Variants in NFAM1 observed in about 807,000 individuals in gnomAD.
The protein encoded by NFAM1 is NFAT activating protein with ITAM motif 1, also known as NFAT activation molecule 1.
A neutral mutation model predicts 29.0 loss-of-function variants in NFAM1; 17 were observed. The observed-to-expected ratio is 0.59, with a 90% CI of 0.40 to 0.88. The LOEUF (loss-of-function observed/expected upper bound fraction) is 0.88, where lower values mean the gene tolerates loss of function less well. NFAM1 is among the 40% of genes least tolerant of loss of function. The pLI is 0.00. For missense variants in NFAM1, 324 were observed against 344.6 expected (o/e 0.94, Z 0.47); for synonymous variants, 175 against 147.2 (o/e 1.19, Z -1.36).
chr22:42,431,001 T>C (rs1052925449), intron 1 of NFAM1, among the ~76,000 whole-genome samples: 2 of 152,210 alleles, frequency 1.3e-5, no homozygotes, highest in Non-Finnish European at 2.9e-5. Context: ...CCTAGGGCTC[T>C]GGGCTGCAGC....
intron 1 of NFAM1, among the ~76,000 whole-genome samples, chr22:42,425,994 A>G (rs17003075): frequency 0.066 from 10,058 of 151,508 alleles, 647 homozygotes; most frequent in African/African-American, 0.16. Flanking sequence ...TTTGACCTTG[A>G]CAGAGAGTTT....
At chr22:42,433,128 C>T (rs1266125888), upstream of NFAM1, among the ~76,000 whole-genome samples, 2 of 152,208 alleles carry the variant, frequency 1.3e-5, no homozygotes, top group Non-Finnish European at 1.5e-5. Context: ...CAGCATCAGC[C>T]GGGGACAGGA....
intron 1 of NFAM1, among the ~76,000 whole-genome samples, chr22:42,422,185 C>T (rs1047232678): frequency 1.1e-4 from 17 of 152,298 alleles, no homozygotes; most frequent in African/African-American, 3.8e-4. Context: ...TCTAGACCCC[C>T]GAACCAGGGT....
chr22:42,424,915 T>A (rs1023832274), intron 1 of NFAM1, among the ~76,000 whole-genome samples: 1 of 102,798 alleles, frequency 9.7e-6, no homozygotes. Context: ...CTTTTCGTAT[T>A]TATTTATTTA....
chr22:42,433,492 G>A (rs952384811), upstream of NFAM1, among the ~76,000 whole-genome samples: 18 of 152,148 alleles, frequency 1.2e-4, no homozygotes, highest in African/African-American at 3.9e-4. Flanking sequence ...TATGATGTCC[G>A]AGCCTTCTCC....
intron 4 of NFAM1, among the ~76,000 whole-genome samples, chr22:42,396,589 T>A (rs1434945184): frequency 6.6e-6 from 1 of 151,872 alleles, no homozygotes; most frequent in Non-Finnish European, 1.5e-5. Context: ...GACACCAGAA[T>A]CCCTGGTAGG....
chr22:42,386,642 G>T (rs776984922), intron 5 of NFAM1, among the ~76,000 whole-genome samples: 2 of 152,144 alleles, frequency 1.3e-5, no homozygotes, highest in Non-Finnish European at 2.9e-5. Flanking sequence ...AGTTACAGTG[G>T]CTCATAGTGC....
rs1369157891 is a variant in NFAM1 at position 42,409,281 on chromosome 22, C to A, written c.564+154G>T. Among the ~76,000 whole-genome samples the A allele has an allele frequency of 2.0e-5, 3 of 151,960 alleles. No individual in the cohort carries two copies. The highest frequency in any genetic ancestry group is 6.5e-5 in the Admixed American group (1 of 15,286). On this transcript the variant is annotated intron_variant, in intron 3 of 5. Coordinates refer to ENST00000329021, the MANE Select transcript of NFAM1 (RefSeq NM_145912.8). The surrounding 1 kb of genome is among the most constrained non-coding windows in gnomAD (Gnocchi z 4.9). Reference sequence around the variant, plus strand: ...CACAGGGAGTGGCACAGGAGGGATGCCCCCAGCCCTGGTGCAAGGGGCCAC... The same window carrying A: ...CACAGGGAGTGGCACAGGAGGGATGACCCCAGCCCTGGTGCAAGGGGCCAC...
intron 1 of NFAM1, among the ~76,000 whole-genome samples, chr22:42,420,245 G>T (rs186677538): frequency 6.6e-6 from 1 of 151,746 alleles, no homozygotes; most frequent in Admixed American, 6.6e-5. Context: ...CCTGAACTTG[G>T]GTGATTTCTT....
rs1334980267 is a variant in NFAM1 at position 42,381,060 on chromosome 22, C to G, written c.*4101G>C. ...GAGGGGCCACCGTTTACCGCACCCA[C>G]TGCAAGTTCTGGACTGGTGGTAGAG... On this transcript the variant is annotated 3_prime_UTR_variant, in exon 6 of 6. Transcript: ENST00000329021. 1 of 152,738 alleles carries G rather than the reference C, an allele frequency of 6.5e-6. No individual in the cohort carries two copies. The highest frequency in any genetic ancestry group is 2.4e-5 in the African/African-American group (1 of 41,470). The allele number at this position is 152,738 out of a possible 1,614,324, so 9.5% of individuals were successfully genotyped here. A position where few individuals can be genotyped will look rare whatever the true frequency, so the allele number is the denominator to read the frequency against.
At position 42,383,521 on chromosome 22, in the gene NFAM1, C is replaced by T. The variant is rs1475194063; in HGVS notation, c.*1640G>A. The T allele has an allele frequency of 6.5e-6, 1 of 152,678 alleles. No homozygotes were observed. The highest frequency in any genetic ancestry group is 1.9e-4 in the East Asian group (1 of 5,194). 9.5% of individuals were successfully genotyped at this position (152,678 alleles called of 1,614,324 possible). On this transcript the variant is annotated 3_prime_UTR_variant, in exon 6 of 6. Coordinates refer to ENST00000329021, the MANE Select transcript of NFAM1 (RefSeq NM_145912.8). ...TGCCATGTGTGCTTGCAGGCGGGGG[C>T]CCAGAACCAAGTTGGGAGGCCACTG...
At chr22:42,426,220 C>A (rs905759643) in intron 1 of NFAM1, among the ~76,000 whole-genome samples, 2 of 152,134 alleles carry the variant, frequency 1.3e-5, no homozygotes, top group African/African-American at 4.8e-5. Flanking sequence ...CTGAATACAC[C>A]AGGGTTAGGG....
Position 42,409,574 on chromosome 22 carries a change from G to T in NFAM1, c.452-27C>A, listed in dbSNP as rs187668920. The T allele has an allele frequency of 1.5e-5, 19 of 1,234,408 alleles. No individual in the cohort carries two copies. In the African/African-American group the frequency reaches 2.9e-4, roughly 19 times the overall value. 76.5% of individuals were successfully genotyped at this position (1,234,408 alleles called of 1,614,324 possible). A position where few individuals can be genotyped will look rare whatever the true frequency, so the allele number is the denominator to read the frequency against. On this transcript the variant is annotated intron_variant, in intron 2 of 5. Transcript: ENST00000329021. The surrounding 1 kb of genome is among the most constrained non-coding windows in gnomAD (Gnocchi z 4.9). ...TAGGAGGAAGCGCAGGGGAGCAGAG[G>T]GGTCAGTGACCCAGGAGAAAGCGGG...
At chr22:42,418,257 A>T (rs916344137) in intron 1 of NFAM1, among the ~76,000 whole-genome samples, 38 of 152,194 alleles carry the variant, frequency 2.5e-4, no homozygotes, top group Admixed American at 1.8e-3. Context: ...TCTCCCCACA[A>T]CACAGGGGGA....
In NFAM1 at chr22:42,415,004, C is replaced by T. The variant is rs148046347; in HGVS notation, c.122-3268G>A. Among the ~76,000 whole-genome samples the T allele has an allele frequency of 2.0e-3, 309 of 152,254 alleles. 1 individual carries two copies. Among genetic ancestry groups the T allele is most frequent in the African/African-American group, 7.1e-3 (296 of 41,554 alleles). ...TTGGGATTCATTTCTTTAAGGTCAC[C>T]GAGTTAGGCTCATGACAATGCACTG... On this transcript the variant is annotated intron_variant, in intron 1 of 5. Transcript: ENST00000329021.
At chr22:42,391,216 T>C (rs1326020462) in intron 4 of NFAM1, among the ~76,000 whole-genome samples, 1 of 152,154 alleles carries the variant, frequency 6.6e-6, no homozygotes, top group African/African-American at 2.4e-5. Flanking sequence ...CCCAGAGGGT[T>C]TCTCTAATAA....
intron 1 of NFAM1, among the ~76,000 whole-genome samples, chr22:42,412,267 C>T (rs1010857398): frequency 1.3e-5 from 2 of 152,108 alleles, no homozygotes; most frequent in African/African-American, 4.8e-5. Flanking sequence ...TCTCGTGCAT[C>T]GTGTGAGCTT....
At chr22:42,402,923 C>A (rs1212067333) in intron 3 of NFAM1, among the ~76,000 whole-genome samples, 10 of 150,904 alleles carry the variant, frequency 6.6e-5, no homozygotes, top group Admixed American at 6.6e-4. Flanking sequence ...GCATCCTCCG[C>A]CTCCCAGGTT....
chr22:42,390,852 G>T (rs1459308067), intron 4 of NFAM1, among the ~76,000 whole-genome samples: 1 of 150,212 alleles, frequency 6.7e-6, no homozygotes, highest in African/African-American at 2.4e-5. Context: ...AGCAGCCGTG[G>T]CCAGTGTCAG....
Sources: gnomAD v4.1 joint callset for allele counts (sites outside exome capture counted in the v4.1 genomes callset) on GRCh38, gnomAD v4.1.1 for gene constraint, Gnocchi (gnomAD v3.1) non-coding constraint, MANE v1.5 for transcripts, NCBI Gene and HGNC (gene_info 2026-07-23, HGNC 2026-07-21) for gene names.